The following SYNDIG1 variants were observed in gnomAD, a reference collection of about 807,000 sequenced individuals.
SYNDIG1 encodes synapse differentiation-inducing gene protein 1.
In SYNDIG1, 9 loss-of-function variants were observed where a neutral mutation model predicts 19.4. The ratio of observed to expected loss-of-function variants is 0.46; its 90% CI spans 0.28 to 0.81. The LOEUF (loss-of-function observed/expected upper bound fraction) is 0.81, where lower values mean the gene tolerates loss of function less well. SYNDIG1 is among the 30% of genes least tolerant of loss of function. The probability of loss-of-function intolerance (pLI) is 0.12; values close to 1 mark genes in which losing one functional copy is unlikely to be tolerated. For synonymous variants in SYNDIG1, 141 were observed against 145.9 expected (o/e 0.97, Z 0.24); for missense variants, 311 against 343.3 (o/e 0.91, Z 0.74).
intron 3 of SYNDIG1, among the ~76,000 whole-genome samples, chr20:24,606,648 G>T (rs571067478): frequency 2.6e-4 from 39 of 152,320 alleles, no homozygotes; most frequent in African/African-American, 8.2e-4. Context: ...AATCCTTACG[G>T]TATGGGTTTT....
chr20:24,517,840 C>T (rs968439872), intron 1 of SYNDIG1, among the ~76,000 whole-genome samples: 2 of 148,988 alleles, frequency 1.3e-5, no homozygotes, highest in Non-Finnish European at 3.0e-5. Flanking sequence ...GAGTCTGGCT[C>T]TGTCACCCAG....
chr20:24,478,909 C>T (rs528476364), intron 1 of SYNDIG1, among the ~76,000 whole-genome samples: 2 of 152,184 alleles, frequency 1.3e-5, no homozygotes, highest in African/African-American at 2.4e-5. Flanking sequence ...GATTGAACTC[C>T]GCAGGACAGC....
Position 24,660,413 on chromosome 20 carries a change from C to CTCTTGGCCTTG in SYNDIG1, c.619-4932_619-4922dup, listed in dbSNP as rs113382714. On this transcript the variant is annotated intron_variant, in intron 3 of 3. Coordinates refer to ENST00000376862, the MANE Select transcript of SYNDIG1 (RefSeq NM_024893.3). Reference sequence around the variant, plus strand: ...CATTGTCTGTGACACTTCCTGTTGCCTCTTGGCCTTGCTGGAGGGTCCATG... The same window carrying CTCTTGGCCTTG: ...CATTGTCTGTGACACTTCCTGTTGCCTCTTGGCCTTGTCTTGGCCTTGCTGGAGGGTCCATG... Among the ~76,000 whole-genome samples, 4 of 152,300 alleles carry CTCTTGGCCTTG rather than the reference C, an allele frequency of 2.6e-5. 1 individual carries two copies. The highest frequency in any genetic ancestry group is 9.6e-5 in the African/African-American group (4 of 41,560).
chr20:24,584,430 A>T (rs73098723), intron 2 of SYNDIG1, among the ~76,000 whole-genome samples: 12,278 of 152,228 alleles, frequency 0.081, 600 homozygotes, highest in Non-Finnish European at 0.11. Flanking sequence ...TCCTCAGAAC[A>T]CACCGACAGT....
chr20:24,529,813 T>C (rs923287009), intron 1 of SYNDIG1, among the ~76,000 whole-genome samples: 6 of 152,248 alleles, frequency 3.9e-5, no homozygotes, highest in Middle Eastern at 6.8e-3. Flanking sequence ...CTCCTGCTGA[T>C]GGTGTCAGTG....
Position 24,574,509 on chromosome 20 carries a change from G to GTAAATAAA in SYNDIG1, c.481-10334_481-10327dup, listed in dbSNP as rs1387493931. 1.2e-3 allele frequency among the ~76,000 whole-genome samples: 176 copies of GTAAATAAA among 151,572 alleles called. 2 individuals carry two copies. The highest frequency in any genetic ancestry group is 4.0e-3 in the African/African-American group (166 of 41,312). On this transcript the variant is annotated intron_variant, in intron 2 of 3. Transcript: ENST00000376862. ...GTCTCTAAAATAAATAAATAAATAA[G>GTAAATAAA]TAAATAAATAAATAAATAAAAATAA... is the stretch of plus-strand genomic sequence containing the variant.
chr20:24,604,875 C>T (rs927382888), intron 3 of SYNDIG1, among the ~76,000 whole-genome samples: 1 of 152,138 alleles, frequency 6.6e-6, no homozygotes, highest in Non-Finnish European at 1.5e-5. Flanking sequence ...GATAATATTC[C>T]GTGCACCCCG....
intron 3 of SYNDIG1, among the ~76,000 whole-genome samples, chr20:24,661,495 GGGAGGGAA>G (rs2059597571): frequency 7.4e-6 from 1 of 135,018 alleles, no homozygotes; most frequent in Non-Finnish European, 1.6e-5. Flanking sequence ...GAAGAAGGGA[GGGAGGGAA>G]GAGGGAGGAA....
At chr20:24,588,986 G>A (rs2058463757) in intron 3 of SYNDIG1, among the ~76,000 whole-genome samples, 1 of 152,090 alleles carries the variant, frequency 6.6e-6, no homozygotes, top group African/African-American at 2.4e-5. Context: ...GGGCAGATGA[G>A]GGCAGCATGT....
chr20:24,512,108 AATATATATATATAT>A (rs56002733), intron 1 of SYNDIG1, among the ~76,000 whole-genome samples: 2,139 of 76,478 alleles, frequency 0.028, 54 homozygotes, highest in Admixed American at 0.06. Flanking sequence ...TGGTCTTTAA[AATATATATATATAT>A]ATATATATAT....
chr20:24,660,641 G>A (rs2059574096), intron 3 of SYNDIG1, among the ~76,000 whole-genome samples: 1 of 152,262 alleles, frequency 6.6e-6, no homozygotes, highest in African/African-American at 2.4e-5. Flanking sequence ...CAGGAGGCTT[G>A]TGCTCTCGTA....
chr20:24,478,739 G>A (rs2055706108), intron 1 of SYNDIG1, among the ~76,000 whole-genome samples: 1 of 152,196 alleles, frequency 6.6e-6, no homozygotes, highest in South Asian at 2.1e-4. Context: ...CCAGTCAGGG[G>A]CACCATGGGC....
intron 3 of SYNDIG1, among the ~76,000 whole-genome samples, chr20:24,599,923 G>A (rs1379803818): frequency 1.3e-5 from 2 of 152,200 alleles, no homozygotes; most frequent in East Asian, 3.8e-4. Context: ...TGATAACAGT[G>A]TAGGGTGACT....
chr20:24,477,225 C>T (rs921048733), intron 1 of SYNDIG1, among the ~76,000 whole-genome samples: 8 of 152,204 alleles, frequency 5.3e-5, no homozygotes, highest in Non-Finnish European at 1.2e-4. Flanking sequence ...CTTCACATGC[C>T]TACAGGGCAA....
intron 3 of SYNDIG1, among the ~76,000 whole-genome samples, chr20:24,644,460 T>G (rs993294744): frequency 6.6e-6 from 1 of 152,234 alleles, no homozygotes; most frequent in Admixed American, 6.5e-5. Flanking sequence ...AGTGCCTTGC[T>G]TGTTACAGTG....
At chr20:24,568,076 G>C (rs2058083879) in intron 2 of SYNDIG1, among the ~76,000 whole-genome samples, 1 of 152,192 alleles carries the variant, frequency 6.6e-6, no homozygotes, top group Non-Finnish European at 1.5e-5. Flanking sequence ...GGGAGGCAGA[G>C]GTTGCAGTGA....
At chr20:24,559,785 G>GT (rs1405859328) in intron 2 of SYNDIG1, among the ~76,000 whole-genome samples, 1 of 152,116 alleles carries the variant, frequency 6.6e-6, no homozygotes, top group East Asian at 1.9e-4. Context: ...CTTGTAACAT[G>GT]TCACTCTGTT....
intron 1 of SYNDIG1, among the ~76,000 whole-genome samples, chr20:24,473,309 C>G (rs1219551698): frequency 6.6e-6 from 1 of 152,194 alleles, no homozygotes; most frequent in East Asian, 1.9e-4. Context: ...GACCCGGCAT[C>G]ACTACACTAG....
chr20:24,542,478 T>C (rs2057487465), intron 1 of SYNDIG1, among the ~76,000 whole-genome samples: 1 of 152,192 alleles, frequency 6.6e-6, no homozygotes, highest in Non-Finnish European at 1.5e-5. Context: ...TGGCCAACTA[T>C]AGAGAGCACC....
Sources: allele counts gnomAD v4.1 joint callset (sites outside exome capture counted in the v4.1 genomes callset), GRCh38; gene constraint gnomAD v4.1.1; transcripts MANE v1.5; gene names NCBI Gene and HGNC (gene_info 2026-07-23, HGNC 2026-07-21).